SLC25A29: variants seen among roughly 807,000 people sequenced by gnomAD.
SLC25A29 encodes solute carrier family 25 member 29.
SLC25A29 carries 13 observed loss-of-function variants against 10.0 expected under a neutral mutation model. The observed-to-expected ratio is 1.30, with a 90% confidence interval of 0.85 to 2.07. SLC25A29 has a LOEUF of 2.07. Ranked by LOEUF, SLC25A29 falls within the 30% of genes most tolerant of loss-of-function variation. The pLI, the probability that SLC25A29 is intolerant of heterozygous loss-of-function variation, is 0.00. For synonymous variants in SLC25A29, 244 were observed against 221.1 expected (o/e 1.10, Z -0.92); for missense variants, 475 against 447.6 (o/e 1.06, Z -0.55).
At chr14:100,284,031 A>G in the SLC25A29 span, among the ~76,000 whole-genome samples, 2 of 152,118 alleles carry the variant, frequency 1.3e-5, no homozygotes, top group Non-Finnish European at 2.9e-5. Context: ...ACCGTGAGCC[A>G]CCATGCGCAG....
Position 100,292,539 on chromosome 14 carries a change from G to T in SLC25A29, c.656C>A (p.Ala219Glu). 6.3e-7 allele frequency: 1 copy of T among 1,597,632 alleles called. No individual in the cohort carries two copies. The highest frequency in any genetic ancestry group is 8.5e-7 in the Non-Finnish European group (1 of 1,173,298). The change falls in exon 4 of 4, where the codon GCG becomes GAG. Residue 219 changes from alanine to glutamate, a missense_variant. Ala to Glu is a moderately radical substitution (Grantham distance 107, BLOSUM62 -1). Coordinates refer to ENST00000359232, the MANE Select transcript of SLC25A29 (RefSeq NM_001039355.3). ...PVDVVKSRLQADGLRGAPRYR... is the reference protein window; with the variant it reads ...PVDVVKSRLQEDGLRGAPRYR... Reference sequence around the variant, plus strand: ...GCGCGGGGCGCCCCGCAGTCCGTCCGCCTGCAGCCGCGACTTGACCACGTC... The same window carrying T: ...GCGCGGGGCGCCCCGCAGTCCGTCCTCCTGCAGCCGCGACTTGACCACGTC...
In SLC25A29 at chr14:100,301,445, G is replaced by A. The variant is rs1372509484; in HGVS notation, c.35-2560C>T. ...CTCCCAAAGTGCTGGGATTACAGGC[G>A]TGAGCCACCACGCCCAGCTATTTAT... On this transcript the variant is annotated intron_variant, in intron 1 of 3. Coordinates refer to ENST00000359232, the MANE Select transcript of SLC25A29 (RefSeq NM_001039355.3). Among the ~76,000 whole-genome samples, 2 of 151,964 alleles carry A rather than the reference G, an allele frequency of 1.3e-5. 1 individual carries two copies. The highest frequency in any genetic ancestry group is 2.9e-5 in the Non-Finnish European group (2 of 67,994).
At chr14:100,306,056 C>A in intron 1 of SLC25A29, 143 bp downstream of exon 1, 3 of 541,560 alleles carry the variant, frequency 5.5e-6, no homozygotes, top group East Asian at 3.7e-5. Flanking sequence ...ACGAGACCCG[C>A]CCGAGGCAAG....
At chr14:100,299,006 A>G (rs1398126448) in intron 1 of SLC25A29, 121 bp from the exon 2 acceptor site, 3 of 1,501,076 alleles carry the variant, frequency 2.0e-6, no homozygotes, top group African/African-American at 1.4e-5. Context: ...AAGGACATTG[A>G]CCAAGCACCT....
downstream of SLC25A29, among the ~76,000 whole-genome samples, chr14:100,288,678 C>G (rs1426689803): frequency 6.6e-6 from 1 of 151,526 alleles, no homozygotes; most frequent in Admixed American, 6.6e-5. Flanking sequence ...CCGTCCGCTG[C>G]TGCTCTTCCT....
chr14:100,286,341 C>T (rs781439551), downstream of SLC25A29, among the ~76,000 whole-genome samples: 15 of 152,206 alleles, frequency 9.9e-5, no homozygotes, highest in Non-Finnish European at 1.6e-4. Flanking sequence ...TCCCCTGTGT[C>T]TGCTCTTTGT....
chr14:100,303,023 A>G (rs1448578099), intron 1 of SLC25A29, among the ~76,000 whole-genome samples: 2 of 152,146 alleles, frequency 1.3e-5, no homozygotes. Context: ...TTCTTCTTCC[A>G]GAGCCTCTAA....
the SLC25A29 span, chr14:100,279,045 T>G: frequency 6.6e-6 from 1 of 152,238 alleles, no homozygotes; most frequent in Non-Finnish European, 1.5e-5. Context: ...AAATGGACAC[T>G]GGGTGCAAAT....
Position 100,292,054 on chromosome 14 carries a change from T to C in SLC25A29, c.*229A>G. 1.8e-6 allele frequency: 1 copy of C among 553,444 alleles called. No homozygotes were observed. Among genetic ancestry groups the C allele is most frequent in the East Asian group, 3.6e-5 (1 of 27,964 alleles). The allele number at this position is 553,444 out of a possible 1,614,324, so 34.3% of individuals were successfully genotyped here. A position where few individuals can be genotyped will look rare whatever the true frequency, so the allele number is the denominator to read the frequency against. On this transcript the variant is annotated 3_prime_UTR_variant, in exon 4 of 4. Transcript: ENST00000359232. ...CTGCTGCTGGGAATAATCTCTGAGCTTCGTGACTCTACAGTGTGGGCATGA... is the reference window on the plus strand; with the variant it reads ...CTGCTGCTGGGAATAATCTCTGAGCCTCGTGACTCTACAGTGTGGGCATGA...
chr14:100,298,712 C>T, intron 2 of SLC25A29, 130 bp downstream of exon 2: 2 of 1,183,078 alleles, frequency 1.7e-6, no homozygotes, highest in East Asian at 2.4e-5. Flanking sequence ...GAGGAAGGTT[C>T]AACCCGGCCT....
the SLC25A29 span, among the ~76,000 whole-genome samples, chr14:100,285,665 G>A: frequency 6.6e-6 from 1 of 152,070 alleles, no homozygotes; most frequent in African/African-American, 2.4e-5. Context: ...GAGGCTGCGT[G>A]CACCCCACCT....
Position 100,291,845 on chromosome 14 carries a change from C to G in SLC25A29, c.*438G>C, listed in dbSNP as rs550673216. ...CCAGAGGGGTGGCCCACCACCCCCCCGGGTGGAGGATGTGTGGAGTTAGAG... is the reference window on the plus strand; with the variant it reads ...CCAGAGGGGTGGCCCACCACCCCCCGGGGTGGAGGATGTGTGGAGTTAGAG... On this transcript the variant is annotated 3_prime_UTR_variant, in exon 4 of 4. Transcript: ENST00000359232. The G allele has an allele frequency of 8.7e-5, 21 of 242,170 alleles. No individual in the cohort carries two copies. Among genetic ancestry groups the G allele is most frequent in the East Asian group, 1.5e-4 (1 of 6,456 alleles). The allele number at this position is 242,170 out of a possible 1,614,324, so 15.0% of individuals were successfully genotyped here.
chr14:100,284,427 C>T, the SLC25A29 span, among the ~76,000 whole-genome samples: 2 of 152,196 alleles, frequency 1.3e-5, no homozygotes, highest in Non-Finnish European at 2.9e-5. Flanking sequence ...CCTCCCCACA[C>T]GGCCTTTCTG....
chr14:100,281,060 C>CAAAAAAAAAAAAAAA, the SLC25A29 span: 4 of 47,776 alleles, frequency 8.4e-5, 1 homozygote, highest in African/African-American at 4.0e-4. Context: ...ACTCCGTCTC[C>CAAAAAAAAAAAAAAA]CAAAAAAAAA....
At chr14:100,299,673 G>A (rs906479160) in intron 1 of SLC25A29, 1 of 980,308 alleles carries the variant, frequency 1.0e-6, no homozygotes, top group Non-Finnish European at 1.2e-6. Context: ...CCATCTCTGA[G>A]TCTTGCCACC....
At chr14:100,299,847 T>C (rs1595366907) in intron 1 of SLC25A29, 10 of 985,370 alleles carry the variant, frequency 1.0e-5, no homozygotes, top group Non-Finnish European at 1.2e-5. Context: ...TTAAAACAGC[T>C]GGCATCTGCT....
In SLC25A29 at chr14:100,292,851, A is replaced by G. The variant is rs1368511115; in HGVS notation, c.344T>C (p.Leu115Pro). Residue 115 changes from leucine to proline, a missense_variant, in exon 4 of 4, where the codon CTG becomes CCG. By Grantham distance (98) the Leu-to-Pro change is moderately conservative. Coordinates refer to ENST00000359232, the MANE Select transcript of SLC25A29 (RefSeq NM_001039355.3). The stretch of plus-strand genomic sequence containing the variant: ...CTGCAGCTGCAGCCGCGTCTTGGCC[A>G]GCTCCATGGGGCAGCAGATGACGCA... ...IQCVICCPMELAKTRLQLQDA... is the reference protein window; with the variant it reads ...IQCVICCPMEPAKTRLQLQDA... 1 of 1,597,768 alleles carries G rather than the reference A, an allele frequency of 6.3e-7. No homozygotes were observed. Among genetic ancestry groups the G allele is most frequent in the African/African-American group, 1.3e-5 (1 of 74,682 alleles).
At chr14:100,283,930 G>C in the SLC25A29 span, among the ~76,000 whole-genome samples, 1 of 151,788 alleles carries the variant, frequency 6.6e-6, no homozygotes, top group African/African-American at 2.4e-5. Context: ...CACCTAGGCC[G>C]GAGTGCAGTG....
chr14:100,302,506 C>A (rs759280605), intron 1 of SLC25A29, among the ~76,000 whole-genome samples: 1 of 151,922 alleles, frequency 6.6e-6, no homozygotes, highest in Admixed American at 6.6e-5. Flanking sequence ...ACTACAGGTG[C>A]GTGCCACCAC....
Sources: allele counts gnomAD v4.1 joint callset (sites outside exome capture counted in the v4.1 genomes callset), GRCh38; gene constraint gnomAD v4.1.1; transcripts MANE v1.5; gene names NCBI Gene and HGNC (gene_info 2026-07-23, HGNC 2026-07-21).